Variants in CD5L observed in about 807,000 individuals in gnomAD.
CD5L encodes the protein CD5 antigen-like.
Under a neutral mutation model 40.8 loss-of-function variants are expected in CD5L, and 39 were observed. The ratio of observed to expected loss-of-function variants is 0.96; its 90% CI spans 0.74 to 1.25. The LOEUF (loss-of-function observed/expected upper bound fraction) is 1.25. CD5L is among the 50% of genes most tolerant of loss of function. CD5L has a pLI of 0.00. For missense variants in CD5L, 433 were observed against 435.9 expected, an observed-to-expected ratio of 0.99 and a Z score of 0.06; for synonymous variants, 192 against 169.6, an observed-to-expected ratio of 1.13 and a Z score of -1.03.
At chr1:157,832,134 C>T (rs986277553) in intron 5 of CD5L, among the ~76,000 whole-genome samples, 166 bp from the exon 6 acceptor site, 3 of 152,180 alleles carry the variant, frequency 2.0e-5, no homozygotes, top group Non-Finnish European at 4.4e-5. Context: ...GAACCTTGTG[C>T]AGTATCCCAG....
intron 3 of CD5L, among the ~76,000 whole-genome samples, chr1:157,835,086 GC>G (rs1201636882): frequency 1.3e-5 from 2 of 152,148 alleles, no homozygotes; most frequent in African/African-American, 4.8e-5. Flanking sequence ...AACACCAAAT[GC>G]TTTTTGGTTC....
chr1:157,836,684 G>C (rs190372237), intron 2 of CD5L, among the ~76,000 whole-genome samples: 1 of 152,316 alleles, frequency 6.6e-6, no homozygotes, highest in African/African-American at 2.4e-5. Context: ...TTGAGGCAGA[G>C]TGTGTACAAT....
rs186030807 is a variant in CD5L, at chr1:157,831,025, T to G, written c.*939A>C. 7 of 984,764 alleles carry G rather than the reference T, an allele frequency of 7.1e-6. No individual in the cohort carries two copies. In the East Asian group the frequency reaches 7.9e-4, roughly 112 times the overall value. The allele number at this position is 984,764 out of a possible 1,614,324, so 61.0% of individuals were successfully genotyped here. On this transcript the variant is annotated 3_prime_UTR_variant, in exon 6 of 6. Coordinates refer to ENST00000368174, the MANE Select transcript of CD5L (RefSeq NM_005894.3). ...AAAGTTGTCAATTTTTACAATCAAG[T>G]CTTGATTCTCTTATTTCTGTCTTGC...
chr1:157,835,151 T>C (rs1656169712), intron 3 of CD5L, among the ~76,000 whole-genome samples: 1 of 152,202 alleles, frequency 6.6e-6, no homozygotes, highest in African/African-American at 2.4e-5. Flanking sequence ...ACCCTCAATC[T>C]TTCTAAAAAA....
Position 157,836,630 on chromosome 1 carries a change from C to T in CD5L, c.56-475G>A, listed in dbSNP as rs185515242. On this transcript the variant is annotated intron_variant, in intron 2 of 5. Transcript: ENST00000368174. ...AGAGGTGTAAAGAGAATATCTGTTGCGTTTTTCCTCTTCATGACTCTGTCT... is the reference window on the plus strand; with the variant it reads ...AGAGGTGTAAAGAGAATATCTGTTGTGTTTTTCCTCTTCATGACTCTGTCT... Among the ~76,000 whole-genome samples, 5 of 152,284 alleles carry T rather than the reference C, an allele frequency of 3.3e-5. No homozygotes were observed. In the East Asian group the frequency reaches 7.7e-4, roughly 24 times the overall value.
chr1:157,841,797 A>AG lies in CD5L; in HGVS notation c.-97dup. 9.6e-7 allele frequency: 1 copy of AG among 1,039,166 alleles called. No homozygotes were observed. The allele number at this position is 1,039,166 out of a possible 1,614,324, so 64.4% of individuals were successfully genotyped here. ...TTTTAGCTGCAAGTATGTTAAGAGG[A>AG]GGGACAAAGACAGGTCCTGAGTGCA... On this transcript the variant is annotated 5_prime_UTR_variant, in exon 1 of 6. Transcript: ENST00000368174.
chr1:157,841,226 T>C (rs1191193793), intron 1 of CD5L, among the ~76,000 whole-genome samples: 1 of 152,156 alleles, frequency 6.6e-6, no homozygotes, highest in Non-Finnish European at 1.5e-5. Flanking sequence ...TAGATTACTC[T>C]AAGCAATGAG....
intron 2 of CD5L, among the ~76,000 whole-genome samples, chr1:157,836,740 A>G (rs1656227103): frequency 6.6e-6 from 1 of 152,220 alleles, no homozygotes; most frequent in African/African-American, 2.4e-5. Flanking sequence ...TGGCCAATCC[A>G]TGCCCATACT....
In CD5L at chr1:157,834,484, G is replaced by C; in HGVS notation, c.641C>G (p.Thr214Ser). Residue 214 changes from threonine to serine, a missense_variant, in exon 4 of 6, where the codon ACC (threonine) becomes AGC (serine). By Grantham distance (58) the Thr-to-Ser change is moderately conservative. Coordinates refer to ENST00000368174, the MANE Select transcript of CD5L (RefSeq NM_005894.3). ...SQMSCSGREA[T>S]LQDCPSGPWG... The stretch of plus-strand genomic sequence containing the variant: ...AGGCCCAGAAGGGCAATCCTGAAGG[G>C]TTGCTTCTCGTCCTGAGCATGACAT... 1.2e-6 allele frequency: 2 copies of C among 1,614,192 alleles called. No individual in the cohort carries two copies. The highest frequency in any genetic ancestry group is 1.7e-6 in the Non-Finnish European group (2 of 1,180,046).
At chr1:157,835,277 A>G (rs1656173906) in intron 3 of CD5L, among the ~76,000 whole-genome samples, 1 of 152,200 alleles carries the variant, frequency 6.6e-6, no homozygotes, top group Admixed American at 6.5e-5. Flanking sequence ...TGTCTAATGA[A>G]CAAAAGAGAA....
Position 157,834,529 on chromosome 1 carries a change from T to C in CD5L, c.596A>G (p.Lys199Arg). ...TGACATCTGGCTCAGCCAGATGGGT[T>C]TTCGGCCATAGGCATGCTTGTTGCA... The part of the protein sequence containing the change: ...KRCNKHAYGR[K>R]PIWLSQMSCS... Residue 199 changes from lysine (K) to arginine (R), a missense_variant, in exon 4 of 6, where the codon AAA (lysine) becomes AGA (arginine). By Grantham distance (26) the Lys-to-Arg change is conservative. Coordinates refer to ENST00000368174, the MANE Select transcript of CD5L (RefSeq NM_005894.3). The C allele has an allele frequency of 6.2e-7, 1 of 1,614,212 alleles. No individual in the cohort carries two copies. Among genetic ancestry groups the C allele is most frequent in the South Asian group, 1.1e-5 (1 of 91,082 alleles).
intron 4 of CD5L, 133 bp from the exon 5 acceptor site, chr1:157,833,645 GC>G: frequency 1.4e-6 from 1 of 728,422 alleles, no homozygotes. Context: ...TCACTCTGTT[GC>G]CCAGGCTGGA....
chr1:157,839,442 A>G, intron 1 of CD5L, 32 bp from the exon 2 acceptor site: 1 of 1,610,008 alleles, frequency 6.2e-7, no homozygotes, highest in Non-Finnish European at 8.5e-7. Context: ...GAGTGAGGTC[A>G]ATTTCCAAGG....
downstream of CD5L, among the ~76,000 whole-genome samples, chr1:157,827,651 A>G (rs968008868): frequency 4.6e-5 from 7 of 152,326 alleles, no homozygotes; most frequent in African/African-American, 1.7e-4. Context: ...GCTTTACTCA[A>G]TCTACTGATA....
intron 5 of CD5L, 60 bp from the exon 6 acceptor site, chr1:157,832,028 G>T: frequency 7.6e-7 from 1 of 1,318,772 alleles, no homozygotes; most frequent in Non-Finnish European, 1.1e-6. Context: ...GAATTATTCA[G>T]TTGAAACTCA....
Position 157,831,506 on chromosome 1 carries a change from T to C in CD5L, c.*458A>G. The C allele has an allele frequency of 1.0e-6, 1 of 987,562 alleles. No individual in the cohort carries two copies. The highest frequency in any genetic ancestry group is 1.2e-6 in the Non-Finnish European group (1 of 831,354). The allele number at this position is 987,562 out of a possible 1,614,324, so 61.2% of individuals were successfully genotyped here. A position where few individuals can be genotyped will look rare whatever the true frequency, so the allele number is the denominator to read the frequency against. ...TTCCCCCAAGTTGCAAGAAATTGTC[T>C]ACCCACATTTTCTTTCAAATGTTCC... is the stretch of plus-strand genomic sequence containing the variant. On this transcript the variant is annotated 3_prime_UTR_variant, in exon 6 of 6. Transcript: ENST00000368174.
chr1:157,838,961 T>C (rs1368876173), intron 2 of CD5L, among the ~76,000 whole-genome samples: 1 of 152,234 alleles, frequency 6.6e-6, no homozygotes, highest in Non-Finnish European at 1.5e-5. Flanking sequence ...TCAAGCTATG[T>C]GCTGCAAGCA....
chr1:157,827,348 T>C (rs889999863), downstream of CD5L, among the ~76,000 whole-genome samples: 3 of 151,600 alleles, frequency 2.0e-5, no homozygotes, highest in Non-Finnish European at 4.4e-5. Flanking sequence ...CACACAATTA[T>C]GGAGGCTGGG....
chr1:157,836,137 C>G lies in CD5L; in HGVS notation c.74G>C (p.Arg25Pro). ...PGFLASPSGV[R>P]LVGGLHRCEG... The stretch of plus-strand genomic sequence containing the variant: ...ACAGCGGTGGAGGCCCCCCACCAGC[C>G]GCACTCCAGATGGAGACGCTGCAAA... The change falls in exon 3 of 6, where the codon CGG becomes CCG. Residue 25 changes from arginine (R) to proline (P), a missense_variant. Physicochemically the swap from Arg to Pro is moderately radical, Grantham distance 103. Coordinates refer to ENST00000368174, the MANE Select transcript of CD5L (RefSeq NM_005894.3). 1 of 1,612,850 alleles carries G rather than the reference C, an allele frequency of 6.2e-7. No individual in the cohort carries two copies. Among genetic ancestry groups the G allele is most frequent in the Admixed American group, 1.7e-5 (1 of 59,998 alleles).
Sources: gnomAD v4.1 joint callset for allele counts (sites outside exome capture counted in the v4.1 genomes callset) on GRCh38, gnomAD v4.1.1 for gene constraint, MANE v1.5 for transcripts, NCBI Gene and HGNC (gene_info 2026-07-23, HGNC 2026-07-21) for gene names.